The following SCART1 variants were observed in gnomAD, a reference collection of about 807,000 sequenced individuals.
The protein encoded by SCART1 is scavenger receptor family member expressed on T cells 1.
Under a neutral mutation model 36.2 loss-of-function variants are expected in SCART1, and 62 were observed. The ratio of observed to expected loss-of-function variants is 1.71; its 90% CI spans 1.40 to 2.12. SCART1 has a LOEUF of 2.12. Ranked by LOEUF, SCART1 falls within the 30% of genes most tolerant of loss-of-function variation. The probability of loss-of-function intolerance (pLI) is 0.00; values close to 1 mark genes in which losing one functional copy is unlikely to be tolerated. For missense variants in SCART1, 1,041 were observed against 540.5 expected, an observed-to-expected ratio of 1.93 and a Z score of -9.18; for synonymous variants, 487 against 238.7, an observed-to-expected ratio of 2.04 and a Z score of -9.59.
chr10:133,460,284 G>C, intron 6 of SCART1, 114 bp downstream of exon 6: 1 of 399,348 alleles, frequency 2.5e-6, no homozygotes, highest in African/African-American at 2.1e-5. Context: ...CCTGAATGCA[G>C]AACTTCCACA....
exon 4 of SCART1, chr10:133,458,531 G>A (rs371212580): frequency 6.7e-5 from 45 of 674,312 alleles, no homozygotes; most frequent in Non-Finnish European, 7.2e-5. Context: ...CGCTTCGGCC[G>A]GGGCTCGGGG....
At chr10:133,456,053 G>A (rs1158287685) in intron 1 of SCART1, among the ~76,000 whole-genome samples, 184 bp from the exon 2 acceptor site, 1 of 152,106 alleles carries the variant, frequency 6.6e-6, no homozygotes, top group Non-Finnish European at 1.5e-5. Context: ...CCCCCGGGGA[G>A]ACACATGGGG....
At chr10:133,469,617 T>C (rs1404050564), downstream of SCART1, among the ~76,000 whole-genome samples, 2 of 151,982 alleles carry the variant, frequency 1.3e-5, no homozygotes, top group African/African-American at 4.8e-5. Flanking sequence ...AGGGAAGGGA[T>C]AGCATGAGGA....
intron 6 of SCART1, among the ~76,000 whole-genome samples, chr10:133,460,767 G>A (rs1024112712): frequency 7.3e-6 from 1 of 136,378 alleles, no homozygotes; most frequent in Non-Finnish European, 1.6e-5. Flanking sequence ...TTTTTTTTTT[G>A]ACAAGATCTT....
intron 9 of SCART1, chr10:133,465,814 G>A (rs1365833715): frequency 7.2e-6 from 5 of 696,208 alleles, no homozygotes; most frequent in Non-Finnish European, 1.3e-5. Flanking sequence ...GTTCATTTCG[G>A]GTATGTGTCA....
At chr10:133,460,649 C>A (rs1322198802) in intron 6 of SCART1, among the ~76,000 whole-genome samples, 2 of 151,698 alleles carry the variant, frequency 1.3e-5, no homozygotes, top group Non-Finnish European at 1.5e-5. Context: ...GATCCTTCAG[C>A]CTCAGCCTCC....
At chr10:133,457,392 G>A (rs549766486) in exon 3 of SCART1, 64 of 701,982 alleles carry the variant, frequency 9.1e-5, no homozygotes, top group Admixed American at 1.8e-4. Context: ...TGTGGAGGAG[G>A]CCATGGTGTT....
At chr10:133,459,425 T>A in intron 5 of SCART1, 62 bp from the exon 6 acceptor site, 1 of 615,930 alleles carries the variant, frequency 1.6e-6, no homozygotes, top group Non-Finnish European at 2.9e-6. Context: ...CGGGCCCTGC[T>A]GGGGGGTGGT....
intron 9 of SCART1, 124 bp from the exon 10 acceptor site, chr10:133,466,111 C>G (rs542644951): frequency 1.6e-6 from 1 of 630,498 alleles, no homozygotes; most frequent in South Asian, 1.9e-5. Flanking sequence ...CCCCCCAGCA[C>G]TTCCGACTCG....
At chr10:133,456,618 G>A in intron 2 of SCART1, 64 bp downstream of exon 2, 1 of 605,686 alleles carries the variant, frequency 1.7e-6, no homozygotes, top group South Asian at 1.9e-5. Flanking sequence ...ACGAGGAGGA[G>A]GACTGGGAGG....
exon 12 of SCART1, chr10:133,468,125 G>A (rs1467843349): frequency 1.8e-6 from 1 of 547,908 alleles, no homozygotes; most frequent in Non-Finnish European, 3.3e-6. Flanking sequence ...GGCCCTGCCT[G>A]GCTCTAAACC....
chr10:133,461,838 T>A (rs1417280881), intron 6 of SCART1, among the ~76,000 whole-genome samples: 1 of 152,230 alleles, frequency 6.6e-6, no homozygotes, highest in Non-Finnish European at 1.5e-5. Context: ...TAGCCCTTCC[T>A]CTGCATCTTC....
chr10:133,461,263 A>G (rs1222800168), intron 6 of SCART1, among the ~76,000 whole-genome samples: 1 of 150,668 alleles, frequency 6.6e-6, no homozygotes, highest in Non-Finnish European at 1.5e-5. Flanking sequence ...TGCCCATCTG[A>G]CCTGCGGTCT....
At chr10:133,460,459 C>T (rs1179931289) in intron 6 of SCART1, among the ~76,000 whole-genome samples, 5 of 129,754 alleles carry the variant, frequency 3.9e-5, no homozygotes, top group Admixed American at 2.3e-4. Context: ...CTTGAAGTTT[C>T]CATCCGAAAT....
chr10:133,457,789 G>C, intron 3 of SCART1: 3 of 559,410 alleles, frequency 5.4e-6, no homozygotes, highest in Non-Finnish European at 9.4e-6. Flanking sequence ...AGGTGTCCTG[G>C]CTCAGAACCC....
chr10:133,456,397 C>T (rs890608398), exon 2 of SCART1: 44 of 702,868 alleles, frequency 6.3e-5, no homozygotes, highest in South Asian at 1.3e-4. Context: ...CTGCCGTGGG[C>T]GCCCCCAAGT....
intron 2 of SCART1, among the ~76,000 whole-genome samples, chr10:133,456,906 G>A (rs115279758): frequency 0.011 from 1,663 of 152,264 alleles, 34 homozygotes; most frequent in African/African-American, 0.038. Context: ...ACAAATGACA[G>A]ACAGGTACAC....
intron 1 of SCART1, among the ~76,000 whole-genome samples, chr10:133,454,862 A>G (rs771747665): frequency 1.3e-5 from 2 of 152,198 alleles, no homozygotes; most frequent in Non-Finnish European, 2.9e-5. Context: ...ATGTGGCCAC[A>G]GATGGATGGA....
chr10:133,457,840 G>C (rs1384367357), intron 3 of SCART1: 1 of 545,706 alleles, frequency 1.8e-6, no homozygotes, highest in African/African-American at 1.9e-5. Flanking sequence ...GCAAGTCTGA[G>C]CTGCCTCAGC....
Sources: gnomAD v4.1 joint callset for allele counts (sites outside exome capture counted in the v4.1 genomes callset) on GRCh38, gnomAD v4.1.1 for gene constraint, MANE v1.5 for transcripts, NCBI Gene and HGNC (gene_info 2026-07-23, HGNC 2026-07-21) for gene names.